Variants in RUNX1T1 observed in about 807,000 individuals in gnomAD.
RUNX1T1 encodes RUNX1 partner transcriptional co-repressor 1.
RUNX1T1 carries 4 observed loss-of-function variants against 62.8 expected under a neutral mutation model. That is an observed-to-expected ratio of 0.06 (90% confidence interval 0.03 to 0.15). The LOEUF is 0.15. Ranked by LOEUF, RUNX1T1 falls within the 10% of genes least tolerant of loss-of-function variation. The probability of loss-of-function intolerance (pLI) is 1.00; values close to 1 mark genes in which losing one functional copy is unlikely to be tolerated. For synonymous variants in RUNX1T1, 291 were observed against 286.0 expected (o/e 1.02, Z -0.18); for missense variants, 508 against 754.3 (o/e 0.67, Z 3.82).
intron 1 of RUNX1T1, among the ~76,000 whole-genome samples, chr8:92,026,738 C>T (rs1014903502): frequency 5.9e-5 from 9 of 151,946 alleles, no homozygotes; most frequent in African/African-American, 9.7e-5. Flanking sequence ...AGGAGAATGG[C>T]GTAAACCCGT....
chr8:92,062,437 C>T, intron 1 of RUNX1T1: 1 of 1,239,414 alleles, frequency 8.1e-7, no homozygotes. Flanking sequence ...CTCTTCCTGC[C>T]CACATCAGAT....
chr8:91,960,694 A>T (rs1810247256), intron 10 of RUNX1T1, among the ~76,000 whole-genome samples, 177 bp from the exon 12 acceptor site: 2 of 152,234 alleles, frequency 1.3e-5, no homozygotes, highest in Non-Finnish European at 2.9e-5. Context: ...GCAGGTTTTG[A>T]TGGGATGGTT....
intron 1 of RUNX1T1, among the ~76,000 whole-genome samples, chr8:92,077,191 C>CT (rs1310319021): frequency 6.6e-6 from 1 of 152,028 alleles, no homozygotes; most frequent in Middle Eastern, 3.2e-3. Context: ...GTTTCTTGCT[C>CT]TTTAAGGTTT....
intron 1 of RUNX1T1, among the ~76,000 whole-genome samples, chr8:92,049,379 CTTCTGTGGCCTTT>C (rs564246454): frequency 6.6e-6 from 1 of 152,270 alleles, no homozygotes; most frequent in East Asian, 1.9e-4. Context: ...ACCTCCCAAT[CTTCTGTGGCCTTT>C]TTCTGTGGCT....
At chr8:91,977,189 T>C (rs1012971071) in intron 8 of RUNX1T1, 196 of 197,490 alleles carry the variant, frequency 9.9e-4, no homozygotes, top group Non-Finnish European at 1.4e-3. Flanking sequence ...CATTAGATTT[T>C]CTCAACTATT....
At chr8:92,092,908 A>C (rs1837261828) in intron 1 of RUNX1T1, among the ~76,000 whole-genome samples, 1 of 152,138 alleles carries the variant, frequency 6.6e-6, no homozygotes, top group African/African-American at 2.4e-5. Context: ...TTAACAAAAG[A>C]CTGCAGTAGC....
chr8:92,079,770 G>A (rs1432210868), intron 1 of RUNX1T1, among the ~76,000 whole-genome samples: 1 of 151,998 alleles, frequency 6.6e-6, no homozygotes, highest in Non-Finnish European at 1.5e-5. Context: ...CTCCAACCAC[G>A]CCCTTCCAGA....
chr8:92,046,758 A>G (rs972242972), intron 1 of RUNX1T1, among the ~76,000 whole-genome samples: 2 of 152,198 alleles, frequency 1.3e-5, no homozygotes, highest in Non-Finnish European at 2.9e-5. Flanking sequence ...TAAAAGCACT[A>G]AAACATAGCA....
At chr8:92,025,815 T>C (rs1825025015) in intron 1 of RUNX1T1, among the ~76,000 whole-genome samples, 1 of 152,234 alleles carries the variant, frequency 6.6e-6, no homozygotes, top group African/African-American at 2.4e-5. Context: ...AGAATTTTTA[T>C]ATTCTGGAAA....
chr8:91,970,197 GT>G (rs1466932815), intron 10 of RUNX1T1, among the ~76,000 whole-genome samples: 3 of 152,164 alleles, frequency 2.0e-5, no homozygotes, highest in Non-Finnish European at 4.4e-5. Context: ...GAAATATTCA[GT>G]TGATGCAAAC....
chr8:91,997,315 T>C (rs914687207), intron 5 of RUNX1T1, among the ~76,000 whole-genome samples: 2 of 151,692 alleles, frequency 1.3e-5, no homozygotes, highest in African/African-American at 2.4e-5. Flanking sequence ...AGAGGACAAA[T>C]CTACATGGCA....
chr8:92,051,507 AAATT>A (rs1287513831), intron 1 of RUNX1T1, among the ~76,000 whole-genome samples: 5 of 152,140 alleles, frequency 3.3e-5, no homozygotes, highest in African/African-American at 1.2e-4. Flanking sequence ...AGAGGAAGAT[AAATT>A]AATGGAGAGA....
chr8:92,051,574 A>C (rs7007307), intron 1 of RUNX1T1, among the ~76,000 whole-genome samples: 32,573 of 151,308 alleles, frequency 0.22, 3,588 homozygotes, highest in African/African-American at 0.25. Flanking sequence ...TCACATACAC[A>C]CACTCTCTCT....
chr8:92,028,686 C>T (rs1825708927), intron 1 of RUNX1T1, among the ~76,000 whole-genome samples: 2 of 152,122 alleles, frequency 1.3e-5, no homozygotes, highest in African/African-American at 4.8e-5. Flanking sequence ...AGGCAAATAG[C>T]AAATGTCTAC....
At chr8:92,099,680 G>C (rs2130951930) in exon 1 of RUNX1T1, 1 of 984,184 alleles carries the variant, frequency 1.0e-6, no homozygotes, top group Non-Finnish European at 1.2e-6. Context: ...GGGCTATGTT[G>C]CCTGCATAAA....
At chr8:91,980,397 G>A (rs914035736) in intron 8 of RUNX1T1, among the ~76,000 whole-genome samples, 1 of 152,132 alleles carries the variant, frequency 6.6e-6, no homozygotes. Flanking sequence ...GAGTATAGAA[G>A]TTGAAATATT....
intron 4 of RUNX1T1, chr8:92,005,521 T>TC (rs1820587660): frequency 4.0e-6 from 2 of 494,444 alleles, no homozygotes; most frequent in Non-Finnish European, 3.5e-6. Flanking sequence ...TCACTTTACC[T>TC]CTCTTTTATT....
At chr8:92,003,587 A>C (rs768394236) in intron 5 of RUNX1T1, among the ~76,000 whole-genome samples, 1 of 152,144 alleles carries the variant, frequency 6.6e-6, no homozygotes, top group Non-Finnish European at 1.5e-5. Context: ...CCAATTTTCC[A>C]TCGAGTCTCT....
chr8:91,992,437 A>C (rs577763927), intron 5 of RUNX1T1, among the ~76,000 whole-genome samples: 1 of 152,346 alleles, frequency 6.6e-6, no homozygotes, highest in East Asian at 1.9e-4. Flanking sequence ...CTTAAAATTC[A>C]GTTCTTCAGT....
Sources: allele counts gnomAD v4.1 joint callset (sites outside exome capture counted in the v4.1 genomes callset), GRCh38; gene constraint gnomAD v4.1.1; transcripts MANE v1.5; gene names NCBI Gene and HGNC (gene_info 2026-07-23, HGNC 2026-07-21).